STARD13: variants seen among roughly 807,000 people sequenced by gnomAD.
STARD13 encodes the protein stAR-related lipid transfer protein 13.
Under a neutral mutation model 106.4 loss-of-function variants are expected in STARD13, and 62 were observed. The observed-to-expected ratio is 0.58, with a 90% CI of 0.48 to 0.72. The LOEUF is 0.72. Ranked by LOEUF, STARD13 falls within the 30% of genes least tolerant of loss-of-function variation. The pLI is 0.00. For synonymous variants in STARD13, 565 were observed against 553.0 expected (o/e 1.02, Z -0.31); for missense variants, 1,387 against 1,424.0 (o/e 0.97, Z 0.42).
At chr13:33,154,193 A>G (rs1052795991) in intron 3 of STARD13, among the ~76,000 whole-genome samples, 4 of 152,198 alleles carry the variant, frequency 2.6e-5, no homozygotes, top group African/African-American at 9.7e-5. Context: ...GGCAGGAAAA[A>G]GAAAGAGGAC....
At chr13:33,211,865 C>T (rs896669256) in intron 1 of STARD13, among the ~76,000 whole-genome samples, 7 of 151,612 alleles carry the variant, frequency 4.6e-5, no homozygotes, top group Non-Finnish European at 1.0e-4. Flanking sequence ...CATATTCATA[C>T]ACATATCTTA....
At chr13:33,602,613 C>T in the STARD13 span, among the ~76,000 whole-genome samples, 1 of 152,082 alleles carries the variant, frequency 6.6e-6, no homozygotes, top group Non-Finnish European at 1.5e-5. Context: ...CCCAATAGTC[C>T]CATAGACCAG....
chr13:33,467,240 G>T, the STARD13 span, among the ~76,000 whole-genome samples: 4 of 152,010 alleles, frequency 2.6e-5, no homozygotes, highest in Admixed American at 2.0e-4. Context: ...AGATGGTCCT[G>T]TCTGGGGGTG....
At chr13:33,131,869 C>T (rs1353062605) in intron 4 of STARD13, among the ~76,000 whole-genome samples, 1 of 152,172 alleles carries the variant, frequency 6.6e-6, no homozygotes, top group African/African-American at 2.4e-5. Flanking sequence ...CATAGGTTTG[C>T]TGAAGAGAAT....
intron 1 of STARD13, among the ~76,000 whole-genome samples, chr13:33,270,000 CCG>C (rs1891080923): frequency 6.6e-6 from 1 of 152,152 alleles, no homozygotes; most frequent in Non-Finnish European, 1.5e-5. Flanking sequence ...CTTTGGGAGG[CCG>C]AGGTGGGTGG....
chr13:33,497,069 C>T, the STARD13 span, among the ~76,000 whole-genome samples: 18,310 of 152,036 alleles, frequency 0.12, 1,319 homozygotes, highest in East Asian at 0.26. Flanking sequence ...TGGGTATCCT[C>T]CCAAATTTTG....
downstream of STARD13, among the ~76,000 whole-genome samples, chr13:33,344,379 C>G (rs1171120029): frequency 1.3e-5 from 2 of 152,096 alleles, no homozygotes; most frequent in Non-Finnish European, 2.9e-5. Context: ...ACAAAAAATG[C>G]TGACAGAATA....
At chr13:33,149,066 G>A (rs536228532) in intron 3 of STARD13, among the ~76,000 whole-genome samples, 4 of 152,246 alleles carry the variant, frequency 2.6e-5, no homozygotes, top group African/African-American at 4.8e-5. Flanking sequence ...GAGGAGGAGT[G>A]GAAAGGTGGA....
At chr13:33,666,370 T>C in the STARD13 span, among the ~76,000 whole-genome samples, 186 of 152,296 alleles carry the variant, frequency 1.2e-3, 3 homozygotes, top group East Asian at 0.028. Context: ...CTCGGCTCAC[T>C]GCAAGCTCCA....
chr13:33,673,891 C>T, the STARD13 span, among the ~76,000 whole-genome samples: 2 of 148,258 alleles, frequency 1.3e-5, no homozygotes, highest in African/African-American at 5.0e-5. Context: ...GAGGAAGAGT[C>T]GCTCTGTCTC....
At chr13:33,407,387 C>T in the STARD13 span, among the ~76,000 whole-genome samples, 1 of 152,118 alleles carries the variant, frequency 6.6e-6, no homozygotes, top group Admixed American at 6.5e-5. Flanking sequence ...AGAGGTAAAG[C>T]GCTTCGGGTA....
chr13:33,253,189 G>A (rs116733465), intron 1 of STARD13, among the ~76,000 whole-genome samples: 166 of 152,214 alleles, frequency 1.1e-3, no homozygotes, highest in African/African-American at 3.8e-3. Context: ...TGGTCTTAAG[G>A]CAATGACTAT....
At chr13:33,364,053 T>C in the STARD13 span, among the ~76,000 whole-genome samples, 2 of 152,222 alleles carry the variant, frequency 1.3e-5, no homozygotes, top group African/African-American at 4.8e-5. Context: ...TGGGTGAATG[T>C]GATGAACAAC....
chr13:33,448,609 G>C, the STARD13 span, among the ~76,000 whole-genome samples: 3 of 152,064 alleles, frequency 2.0e-5, no homozygotes, highest in Admixed American at 1.3e-4. Flanking sequence ...ATTTCCTTTG[G>C]ATATATACCC....
intron 1 of STARD13, among the ~76,000 whole-genome samples, chr13:33,303,738 G>A (rs1231859444): frequency 6.6e-6 from 1 of 152,132 alleles, no homozygotes; most frequent in African/African-American, 2.4e-5. Flanking sequence ...AAGTGGTAAA[G>A]GAATGAAAAG....
At position 33,270,001 on chromosome 13, in the gene STARD13, C is replaced by T. The variant is rs550823568; in HGVS notation, c.169+15469G>A. Among the ~76,000 whole-genome samples, 31 of 152,240 alleles carry T rather than the reference C, an allele frequency of 2.0e-4. No individual in the cohort carries two copies. In the South Asian group the frequency reaches 6.2e-3, roughly 31 times the overall value. On this transcript the variant is annotated intron_variant, in intron 1 of 13. Coordinates refer to ENST00000336934, the MANE Select transcript of STARD13 (RefSeq NM_178006.4). ...CTGAAATCCCCGCACTTTGGGAGGCCGAGGTGGGTGGATCATCTAAGGTCA... is the reference window on the plus strand; with the variant it reads ...CTGAAATCCCCGCACTTTGGGAGGCTGAGGTGGGTGGATCATCTAAGGTCA...
the STARD13 span, among the ~76,000 whole-genome samples, chr13:33,368,112 C>G: frequency 4.3e-4 from 65 of 152,240 alleles, no homozygotes; most frequent in Non-Finnish European, 8.1e-4. Flanking sequence ...CACTTCTTAT[C>G]TCAGGGGAGT....
chr13:33,270,406 G>T (rs1377336195), intron 1 of STARD13, among the ~76,000 whole-genome samples: 3 of 152,146 alleles, frequency 2.0e-5, no homozygotes, highest in African/African-American at 4.8e-5. Flanking sequence ...CTGTATGCAG[G>T]CAAGTTTAGT....
chr13:33,574,691 A>G, the STARD13 span, among the ~76,000 whole-genome samples: 1 of 152,152 alleles, frequency 6.6e-6, no homozygotes, highest in East Asian at 1.9e-4. Flanking sequence ...GCAGTGAGCC[A>G]TGATCATGCC....
Sources: allele counts gnomAD v4.1 joint callset (sites outside exome capture counted in the v4.1 genomes callset), GRCh38; gene constraint gnomAD v4.1.1; transcripts MANE v1.5; gene names NCBI Gene and HGNC (gene_info 2026-07-23, HGNC 2026-07-21).